DESI2: variants seen among roughly 807,000 people sequenced by gnomAD.
DESI2 encodes the protein desumoylating isopeptidase 2.
DESI2 carries 10 observed loss-of-function variants against 24.1 expected under a neutral mutation model. The ratio of observed to expected loss-of-function variants is 0.41; its 90% CI spans 0.26 to 0.70. The LOEUF is 0.70. DESI2 is among the 30% of genes least tolerant of loss of function. DESI2 has a pLI of 0.29. For missense variants in DESI2, 122 were observed against 234.9 expected, an observed-to-expected ratio of 0.52 and a Z score of 3.14; for synonymous variants, 71 against 87.7, an observed-to-expected ratio of 0.81 and a Z score of 1.06.
chr1:244,666,907 G>A (rs1322528634), intron 1 of DESI2, among the ~76,000 whole-genome samples: 1 of 152,126 alleles, frequency 6.6e-6, no homozygotes, highest in East Asian at 1.9e-4. Flanking sequence ...AGAAGCAGAA[G>A]TGGAAATGCC....
intron 2 of DESI2, among the ~76,000 whole-genome samples, chr1:244,687,018 G>A (rs1403768093): frequency 2.0e-5 from 3 of 151,994 alleles, no homozygotes; most frequent in Admixed American, 6.5e-5. Flanking sequence ...CTTGCATTTC[G>A]AAAATAGCAT....
chr1:244,705,805 C>T lies in DESI2; in HGVS notation c.*16C>T. On this transcript the variant is annotated 3_prime_UTR_variant, in exon 5 of 5. Transcript: ENST00000302550. ...TAAACTATAAATGTCTCCAAAGTCACACATTCAGAACTGTCTCTGGCAGTC... is the reference window on the plus strand; with the variant it reads ...TAAACTATAAATGTCTCCAAAGTCATACATTCAGAACTGTCTCTGGCAGTC... The T allele has an allele frequency of 6.4e-7, 1 of 1,572,544 alleles. No homozygotes were observed. The highest frequency in any genetic ancestry group is 8.7e-7 in the Non-Finnish European group (1 of 1,151,488).
At chr1:244,695,521 C>T (rs541754661) in intron 4 of DESI2, among the ~76,000 whole-genome samples, 2 of 152,126 alleles carry the variant, frequency 1.3e-5, no homozygotes, top group Admixed American at 6.5e-5. Flanking sequence ...GGCGTGGTGG[C>T]GGGCACCTGT....
At chr1:244,656,118 G>T (rs1675640015) in intron 1 of DESI2, among the ~76,000 whole-genome samples, 1 of 152,158 alleles carries the variant, frequency 6.6e-6, no homozygotes, top group South Asian at 2.1e-4. Context: ...GATGAGGGTT[G>T]CTGTTGTCTG....
chr1:244,654,469 G>T (rs558522442), intron 1 of DESI2, among the ~76,000 whole-genome samples: 1 of 152,224 alleles, frequency 6.6e-6, no homozygotes, highest in South Asian at 2.1e-4. Flanking sequence ...CTTGGGTAGA[G>T]TGGGATTTCT....
chr1:244,660,869 G>A (rs6690717), intron 1 of DESI2, among the ~76,000 whole-genome samples: 24,398 of 152,024 alleles, frequency 0.16, 4,168 homozygotes, highest in African/African-American at 0.43. Flanking sequence ...TTACCACACT[G>A]TTTTAATTAT....
chr1:244,660,193 G>A (rs1477204648), intron 1 of DESI2, among the ~76,000 whole-genome samples: 1 of 151,810 alleles, frequency 6.6e-6, no homozygotes, highest in African/African-American at 2.4e-5. Flanking sequence ...TTGTTGTTTT[G>A]AGACAGAGGT....
chr1:244,687,197 G>T (rs1464056220), intron 2 of DESI2, among the ~76,000 whole-genome samples: 1 of 152,114 alleles, frequency 6.6e-6, no homozygotes. Context: ...ATCCTGCCAT[G>T]ATTACATCTA....
At chr1:244,667,064 G>T (rs1441882377) in intron 1 of DESI2, among the ~76,000 whole-genome samples, 3 of 152,040 alleles carry the variant, frequency 2.0e-5, no homozygotes, top group Non-Finnish European at 4.4e-5. Context: ...TTGAGATTTG[G>T]CTGGGGACAT....
intron 4 of DESI2, among the ~76,000 whole-genome samples, chr1:244,692,347 T>G (rs1340166148): frequency 1.3e-5 from 2 of 152,126 alleles, no homozygotes; most frequent in African/African-American, 4.8e-5. Context: ...TCTTAGCCAC[T>G]AAGGTTTCTC....
intron 4 of DESI2, chr1:244,694,416 C>T (rs890893589): frequency 1.4e-6 from 1 of 713,412 alleles, no homozygotes; most frequent in Non-Finnish European, 2.6e-6. Context: ...TTGCATTACT[C>T]ATCGTTGAAA....
intron 1 of DESI2, chr1:244,654,016 C>T (rs1376115720): frequency 1.3e-5 from 6 of 470,928 alleles, no homozygotes; most frequent in Non-Finnish European, 2.6e-5. Context: ...CTCTGAAGAC[C>T]ACTTTCCAGG....
At chr1:244,705,486 C>G (rs902815761) in intron 4 of DESI2, 70 bp from the exon 5 acceptor site, 12 of 1,352,930 alleles carry the variant, frequency 8.9e-6, no homozygotes, top group Non-Finnish European at 1.3e-5. Flanking sequence ...CTCCCACCCT[C>G]CACTCCCTGG....
intron 4 of DESI2, among the ~76,000 whole-genome samples, chr1:244,695,009 C>G (rs1231544913): frequency 1.3e-5 from 2 of 152,340 alleles, no homozygotes; most frequent in African/African-American, 2.4e-5. Context: ...AAGGCAGGCT[C>G]CATTCCAATG....
chr1:244,697,922 A>C (rs1399044925), intron 4 of DESI2, among the ~76,000 whole-genome samples: 2 of 152,180 alleles, frequency 1.3e-5, no homozygotes, highest in Non-Finnish European at 2.9e-5. Flanking sequence ...GACATCCTTC[A>C]GTTGTTAGCC....
intron 1 of DESI2, among the ~76,000 whole-genome samples, chr1:244,665,720 C>T (rs757506656): frequency 6.6e-5 from 10 of 152,154 alleles, no homozygotes; most frequent in Non-Finnish European, 1.5e-4. Flanking sequence ...AACTAAGTTC[C>T]CCAAGGAAGA....
At chr1:244,666,143 TA>T (rs571267560) in intron 1 of DESI2, among the ~76,000 whole-genome samples, 1,956 of 152,284 alleles carry the variant, frequency 0.013, 16 homozygotes, top group Non-Finnish European at 0.022. Context: ...CCCCATTCCC[TA>T]CTCTCAGCTT....
chr1:244,656,142 C>T (rs2148777073), intron 1 of DESI2, among the ~76,000 whole-genome samples: 1 of 152,318 alleles, frequency 6.6e-6, no homozygotes, highest in South Asian at 2.1e-4. Flanking sequence ...AGGCCTAGTA[C>T]ATCAGCTGTC....
intron 1 of DESI2, among the ~76,000 whole-genome samples, chr1:244,666,938 G>A (rs888265093): frequency 9.2e-5 from 14 of 152,198 alleles, no homozygotes; most frequent in East Asian, 5.8e-4. Flanking sequence ...ATCAGATCTC[G>A]TGATTCTTAT....
Sources: gnomAD v4.1 joint callset for allele counts (sites outside exome capture counted in the v4.1 genomes callset) on GRCh38, gnomAD v4.1.1 for gene constraint, MANE v1.5 for transcripts, NCBI Gene and HGNC (gene_info 2026-07-23, HGNC 2026-07-21) for gene names.